The following PSD3 variants were observed in gnomAD, a reference collection of about 807,000 sequenced individuals.
PSD3 encodes the protein PH and SEC7 domain-containing protein 3.
In PSD3, 49 loss-of-function variants were observed where a neutral mutation model predicts 105.5. The ratio of observed to expected loss-of-function variants is 0.46; its 90% confidence interval spans 0.37 to 0.59. PSD3 has a LOEUF of 0.59. Ranked by LOEUF, PSD3 falls within the 20% of genes least tolerant of loss-of-function variation. The pLI, the probability that PSD3 is intolerant of heterozygous loss-of-function variation, is 0.00. For missense variants in PSD3, 1,561 were observed against 1,263.8 expected, an observed-to-expected ratio of 1.24 and a Z score of -3.57; for synonymous variants, 557 against 457.8, an observed-to-expected ratio of 1.22 and a Z score of -2.77.
chr8:18,892,174 A>C (rs2129459706), intron 2 of PSD3, among the ~76,000 whole-genome samples: 1 of 83,870 alleles, frequency 1.2e-5, no homozygotes, highest in African/African-American at 6.0e-5. Context: ...CTTACTTACA[A>C]TCACACACAC....
At chr8:18,845,447 C>T (rs891161812) in intron 4 of PSD3, among the ~76,000 whole-genome samples, 2 of 152,156 alleles carry the variant, frequency 1.3e-5, no homozygotes, top group Admixed American at 6.5e-5. Flanking sequence ...GTCCTTCACT[C>T]GTCACTTCCA....
intron 2 of PSD3, among the ~76,000 whole-genome samples, chr8:18,904,606 T>G (rs905254931): frequency 2.0e-5 from 3 of 152,220 alleles, no homozygotes; most frequent in African/African-American, 7.2e-5. Flanking sequence ...TGTACTACCA[T>G]TGTATCTTGG....
At chr8:18,820,897 G>A (rs1335388357) in intron 4 of PSD3, among the ~76,000 whole-genome samples, 3 of 152,108 alleles carry the variant, frequency 2.0e-5, no homozygotes, top group African/African-American at 7.2e-5. Flanking sequence ...CCACAGGCGT[G>A]AGTCACAATG....
Position 18,594,174 on chromosome 8 carries a change from TATAATATATATTATTATATACATATTATA to T in PSD3, c.2481+6161_2481+6189del, listed in dbSNP as rs1218558649. On this transcript the variant is annotated intron_variant, in intron 12 of 15. Transcript: ENST00000327040. The stretch of plus-strand genomic sequence containing the variant: ...AATATATATTATTATATACATATTA[TATAATATATATTATTATATACATATTATA>T]TAATATATATTATTATATATATTAT... Among the ~76,000 whole-genome samples, 4 of 35,838 alleles carry T rather than the reference TATAATATATATTATTATATACATATTATA, an allele frequency of 1.1e-4. 1 individual carries two copies. Among genetic ancestry groups the T allele is most frequent in the Admixed American group, 9.3e-4 (2 of 2,150 alleles). 23.5% of individuals were successfully genotyped at this position (35,838 alleles called of 152,430 possible).
Position 19,075,702 on chromosome 8 carries a change from G to C in PSD3, c.324+8504C>G, listed in dbSNP as rs1586698772. ...TAACTTGGACAGTAATTACCCCATT[G>C]TAGGCTTGCAGTGACTAAAGTATTA... On this transcript the variant is annotated intron_variant, in intron 1 of 1. Transcript: ENST00000521475. Among the ~76,000 whole-genome samples, 3 of 152,160 alleles carry C rather than the reference G, an allele frequency of 2.0e-5. No homozygotes were observed. In the East Asian group the frequency reaches 5.8e-4, roughly 29 times the overall value.
chr8:18,636,365 T>C (rs893016611), intron 10 of PSD3, among the ~76,000 whole-genome samples: 1 of 152,196 alleles, frequency 6.6e-6, no homozygotes, highest in African/African-American at 2.4e-5. Flanking sequence ...TTTGTACAGC[T>C]GTATAATGTG....
rs1271252436 is a variant in PSD3 at position 18,872,676 on chromosome 8, T to C, written c.188A>G (p.Tyr63Cys). The C allele has an allele frequency of 1.3e-6, 2 of 1,595,724 alleles. 1 individual carries two copies. The highest frequency in any genetic ancestry group is 3.4e-4 in the Middle Eastern group (2 of 5,936). The change falls in exon 3 of 16, where the codon TAT becomes TGT. Residue 63 changes from tyrosine (Y) to cysteine (C), a missense_variant. Transcript: ENST00000327040. The stretch of plus-strand genomic sequence containing the variant: ...TTCTCCACCTTCCTCCATGGTCCCA[T>C]ATTCTGGAAATTCATTTGTGACATT... Reference protein sequence around the residue: ...PPNVTNEFPEYGTMEEGGEGL... With the variant: ...PPNVTNEFPECGTMEEGGEGL...
intron 1 of PSD3, among the ~76,000 whole-genome samples, chr8:19,011,972 A>G (rs1457535136): frequency 1.3e-5 from 2 of 152,230 alleles, no homozygotes; most frequent in Non-Finnish European, 2.9e-5. Context: ...GTGTCTAGGC[A>G]TGGAAATATC....
At chr8:18,972,651 C>T (rs1343466699) in intron 1 of PSD3, among the ~76,000 whole-genome samples, 2 of 152,156 alleles carry the variant, frequency 1.3e-5, no homozygotes. Context: ...GGGTGGAGCC[C>T]TCATCAATGG....
At chr8:18,688,372 T>C (rs550118016) in intron 9 of PSD3, among the ~76,000 whole-genome samples, 3 of 152,264 alleles carry the variant, frequency 2.0e-5, no homozygotes, top group Admixed American at 6.5e-5. Flanking sequence ...GCTGGGATTA[T>C]GGGCGTGAGC....
At chr8:18,618,571 TATTTTGTAACTAAAATAA>T (rs1373880378) in intron 11 of PSD3, among the ~76,000 whole-genome samples, 29 of 141,592 alleles carry the variant, frequency 2.0e-4, no homozygotes, top group South Asian at 4.9e-4. Flanking sequence ...AAAATGATGT[TATTTTGTAACTAAAATAA>T]CAACTGGATT....
At chr8:18,584,613 T>C (rs1803033188) in intron 12 of PSD3, among the ~76,000 whole-genome samples, 1 of 152,220 alleles carries the variant, frequency 6.6e-6, no homozygotes, top group Admixed American at 6.5e-5. Flanking sequence ...TCTGGCTAAA[T>C]GGCCAATGAA....
intron 9 of PSD3, among the ~76,000 whole-genome samples, chr8:18,670,497 G>A (rs980981072): frequency 1.3e-5 from 2 of 152,126 alleles, no homozygotes; most frequent in African/African-American, 4.8e-5. Context: ...GGTGAGAGGT[G>A]AGGTAAGTTG....
At chr8:18,903,380 G>A (rs746509170) in intron 2 of PSD3, among the ~76,000 whole-genome samples, 3 of 152,150 alleles carry the variant, frequency 2.0e-5, no homozygotes, top group Non-Finnish European at 2.9e-5. Flanking sequence ...TGCAGTGGCA[G>A]CAAGTACCTG....
chr8:18,799,795 G>A (rs1810523041), intron 7 of PSD3, among the ~76,000 whole-genome samples: 1 of 152,162 alleles, frequency 6.6e-6, no homozygotes, highest in South Asian at 2.1e-4. Context: ...TCCAAGTAGA[G>A]TTAAGATTCT....
intron 1 of PSD3, among the ~76,000 whole-genome samples, chr8:18,970,220 G>A (rs1290904477): frequency 6.6e-6 from 1 of 150,396 alleles, no homozygotes; most frequent in African/African-American, 2.4e-5. Context: ...AGCTACTCAG[G>A]AGGCTGAGGC....
At chr8:19,007,612 T>C (rs76363705) in intron 1 of PSD3, among the ~76,000 whole-genome samples, 2,408 of 152,100 alleles carry the variant, frequency 0.016, 67 homozygotes, top group African/African-American at 0.055. Flanking sequence ...TATTTGCTGA[T>C]TGTGAAGTTT....
chr8:18,769,189 T>C (rs1807281163), intron 8 of PSD3, among the ~76,000 whole-genome samples: 1 of 152,188 alleles, frequency 6.6e-6, no homozygotes, highest in African/African-American at 2.4e-5. Context: ...AAATAATGAC[T>C]AGGTAACAAA....
rs560623108 is a variant in PSD3 at position 18,831,750 on chromosome 8, C to G, written c.1635-26852G>C. Among the ~76,000 whole-genome samples, 9 of 152,086 alleles carry G rather than the reference C, an allele frequency of 5.9e-5. No homozygotes were observed. In the South Asian group the frequency reaches 1.9e-3, roughly 32 times the overall value. ...AAATAAACAAATGAAATAAAATAAACAAACAAACACGACATCAAACAGGTT... is the reference window on the plus strand; with the variant it reads ...AAATAAACAAATGAAATAAAATAAAGAAACAAACACGACATCAAACAGGTT... On this transcript the variant is annotated intron_variant, in intron 4 of 15. Transcript: ENST00000327040.
Sources: gnomAD v4.1 joint callset for allele counts (sites outside exome capture counted in the v4.1 genomes callset) on GRCh38, gnomAD v4.1.1 for gene constraint, MANE v1.5 for transcripts, NCBI Gene and HGNC (gene_info 2026-07-23, HGNC 2026-07-21) for gene names.